TLK1: variants seen among roughly 807,000 people sequenced by gnomAD.
TLK1 encodes the protein serine/threonine-protein kinase tousled-like 1.
In TLK1, 24 loss-of-function variants were observed where a neutral mutation model predicts 105.3. The ratio of observed to expected loss-of-function variants is 0.23; its 90% CI spans 0.17 to 0.32. TLK1 has a LOEUF of 0.32. Ranked by LOEUF, TLK1 falls within the 10% of genes least tolerant of loss-of-function variation. TLK1 has a pLI of 1.00. For missense variants in TLK1, 558 were observed against 910.5 expected (o/e 0.61, Z 4.98); for synonymous variants, 321 against 310.4 (o/e 1.03, Z -0.36).
chr2:171,135,617 A>G (rs1053255791), intron 1 of TLK1, among the ~76,000 whole-genome samples: 4 of 152,082 alleles, frequency 2.6e-5, no homozygotes, highest in Non-Finnish European at 5.9e-5. Context: ...CCTGGCCAAC[A>G]TGGTAAAACC....
At chr2:171,080,563 A>G (rs1300916532) in intron 3 of TLK1, among the ~76,000 whole-genome samples, 1 of 149,442 alleles carries the variant, frequency 6.7e-6, no homozygotes, top group African/African-American at 2.4e-5. Flanking sequence ...TAATAATAAT[A>G]ATAATAATAA....
intron 1 of TLK1, among the ~76,000 whole-genome samples, chr2:171,130,702 A>G (rs538958332): frequency 2.0e-5 from 3 of 152,286 alleles, no homozygotes; most frequent in Admixed American, 6.5e-5. Flanking sequence ...AACAAAAATA[A>G]ATAAATTTTA....
At chr2:171,211,640 C>G (rs1332751241) in intron 1 of TLK1, among the ~76,000 whole-genome samples, 1 of 152,010 alleles carries the variant, frequency 6.6e-6, no homozygotes, top group Non-Finnish European at 1.5e-5. Flanking sequence ...GCATCCGCCT[C>G]CCGGGTTCAA....
chr2:171,006,365 A>C, intron 17 of TLK1, 83 bp from the exon 18 acceptor site: 1 of 1,473,736 alleles, frequency 6.8e-7, no homozygotes. Flanking sequence ...CTAGTATTTT[A>C]CTGATGTCTT....
At chr2:171,028,446 T>C (rs1390313440) in intron 11 of TLK1, 41 bp from the exon 12 acceptor site, 8 of 1,314,144 alleles carry the variant, frequency 6.1e-6, no homozygotes, top group South Asian at 4.9e-5. Context: ...TTGAGATTAA[T>C]ACTTAGTTTA....
At chr2:171,117,931 A>G (rs183641127) in intron 1 of TLK1, 74 bp from the exon 2 acceptor site, 105 of 992,038 alleles carry the variant, frequency 1.1e-4, no homozygotes, top group African/African-American at 4.1e-4. Context: ...ACAAATATAT[A>G]TATGTGATTA....
intron 1 of TLK1, among the ~76,000 whole-genome samples, chr2:171,184,702 A>G (rs1472388366): frequency 1.3e-5 from 2 of 152,176 alleles, no homozygotes; most frequent in African/African-American, 4.8e-5. Context: ...TCTCTAAAAA[A>G]AATTCCATTC....
intron 1 of TLK1, among the ~76,000 whole-genome samples, chr2:171,205,999 G>A (rs1449370904): frequency 6.6e-6 from 1 of 152,072 alleles, no homozygotes; most frequent in Non-Finnish European, 1.5e-5. Context: ...TGCTTTATGG[G>A]ACCTGAGAAA....
rs886987421 is a variant in TLK1, at chr2:170,992,031, A to G, written c.*1749T>C. On this transcript the variant is annotated 3_prime_UTR_variant, in exon 21 of 21. Coordinates refer to ENST00000431350, the MANE Select transcript of TLK1 (RefSeq NM_012290.5). ...GATAATGGTTATTAGGTTTAACTTT[A>G]ACAGCTTGAAACAATTTACACTTGT... 2.6e-5 allele frequency: 4 copies of G among 152,132 alleles called. No individual in the cohort carries two copies. The highest frequency in any genetic ancestry group is 9.7e-5 in the African/African-American group (4 of 41,428). 9.4% of individuals were successfully genotyped at this position (152,132 alleles called of 1,614,324 possible).
chr2:171,083,052 C>G (rs1688818545), intron 2 of TLK1, among the ~76,000 whole-genome samples, 200 bp from the exon 3 acceptor site: 1 of 152,064 alleles, frequency 6.6e-6, no homozygotes. Context: ...AAAGTTTTAT[C>G]AAGTCAATAA....
chr2:171,182,567 AG>A (rs1692945297), intron 1 of TLK1, among the ~76,000 whole-genome samples: 1 of 152,158 alleles, frequency 6.6e-6, no homozygotes, highest in Admixed American at 6.6e-5. Flanking sequence ...GTGGGAGACT[AG>A]AGAGACATGA....
intron 11 of TLK1, among the ~76,000 whole-genome samples, chr2:171,030,239 A>T (rs900877473): frequency 2.7e-4 from 41 of 152,166 alleles, no homozygotes; most frequent in African/African-American, 9.4e-4. Flanking sequence ...AACTAATTCT[A>T]AAAAAGGAGT....
chr2:171,188,741 G>A (rs556608078), intron 1 of TLK1, among the ~76,000 whole-genome samples: 9 of 150,102 alleles, frequency 6.0e-5, no homozygotes, highest in South Asian at 4.2e-4. Context: ...TTAGTAGGAC[G>A]TGGTGGCACG....
intron 11 of TLK1, chr2:171,045,949 C>T (rs1421111884): frequency 5.1e-6 from 2 of 393,596 alleles, no homozygotes; most frequent in East Asian, 7.6e-5. Flanking sequence ...AACCTCTTAG[C>T]TACCTAGGTC....
chr2:171,076,979 T>C (rs1196852536), intron 3 of TLK1, among the ~76,000 whole-genome samples: 1 of 152,066 alleles, frequency 6.6e-6, no homozygotes, highest in Non-Finnish European at 1.5e-5. Flanking sequence ...GGCTCTTATC[T>C]TCATAAAATA....
intron 13 of TLK1, among the ~76,000 whole-genome samples, chr2:171,013,233 G>C (rs1278376054): frequency 6.7e-6 from 1 of 149,298 alleles, no homozygotes; most frequent in East Asian, 2.0e-4. Context: ...GGTTGGTCTC[G>C]AACTCCTAAC....
intron 11 of TLK1, among the ~76,000 whole-genome samples, chr2:171,040,370 G>A (rs1686602668): frequency 6.6e-6 from 1 of 152,166 alleles, no homozygotes; most frequent in Non-Finnish European, 1.5e-5. Context: ...TAACATATGT[G>A]CCACTGTGGT....
chr2:171,058,902 T>C (rs1387945908), intron 4 of TLK1, among the ~76,000 whole-genome samples: 2 of 152,208 alleles, frequency 1.3e-5, no homozygotes, highest in African/African-American at 4.8e-5. Flanking sequence ...GTCAAAAGCT[T>C]TGCTTAATAT....
chr2:171,006,168 G>A lies in TLK1; in HGVS notation c.1883C>T (p.Ser628Phe). Reference protein sequence around the residue: ...SYGVDGMDLTSQGAGTYWYLP... With the variant: ...SYGVDGMDLTFQGAGTYWYLP... ...TTACCAGTAAGTGCCTGCCCCCTGG[G>A]AAGTTAGATCCATTCCATCTACACC... Residue 628 changes from serine (S) to phenylalanine (F), a missense_variant, in exon 18 of 21, where the codon TCC becomes TTC. By Grantham distance (155) the Ser-to-Phe change is radical. Coordinates refer to ENST00000431350, the MANE Select transcript of TLK1 (RefSeq NM_012290.5). The A allele has an allele frequency of 6.3e-7, 1 of 1,596,424 alleles. No individual in the cohort carries two copies. The highest frequency in any genetic ancestry group is 8.5e-7 in the Non-Finnish European group (1 of 1,172,698).
Sources: allele counts gnomAD v4.1 joint callset (sites outside exome capture counted in the v4.1 genomes callset), GRCh38; gene constraint gnomAD v4.1.1; transcripts MANE v1.5; gene names NCBI Gene and HGNC (gene_info 2026-07-23, HGNC 2026-07-21).